Variants in ADGRB3 observed in about 807,000 individuals in gnomAD.
The protein encoded by ADGRB3 is adhesion G protein-coupled receptor B3, also known as brain-specific angiogenesis inhibitor 3.
A neutral mutation model predicts 193.4 loss-of-function variants in ADGRB3; 37 were observed. The ratio of observed to expected loss-of-function variants is 0.19; its 90% CI spans 0.15 to 0.25. ADGRB3 has a LOEUF of 0.25. Ranked by LOEUF, ADGRB3 falls within the 10% of genes least tolerant of loss-of-function variation. The pLI, the probability that ADGRB3 is intolerant of heterozygous loss-of-function variation, is 1.00. For synonymous variants in ADGRB3, 690 were observed against 644.2 expected, an observed-to-expected ratio of 1.07 and a Z score of -1.08; for missense variants, 1,637 against 1,852.9, an observed-to-expected ratio of 0.88 and a Z score of 2.14.
intron 3 of ADGRB3, among the ~76,000 whole-genome samples, chr6:68,796,350 ATATAT>A (rs1767207652): frequency 6.6e-6 from 1 of 152,004 alleles, no homozygotes. Context: ...CCTTGTATTA[ATATAT>A]TATATGTCTA....
intron 20 of ADGRB3, among the ~76,000 whole-genome samples, chr6:69,252,800 G>T (rs1766652821): frequency 6.6e-6 from 1 of 151,904 alleles, no homozygotes; most frequent in South Asian, 2.1e-4. Flanking sequence ...GAAGTTCAGT[G>T]TATCATTTAA....
intron 3 of ADGRB3, among the ~76,000 whole-genome samples, chr6:68,816,331 A>G (rs1189236988): frequency 6.7e-6 from 1 of 149,058 alleles, no homozygotes; most frequent in Non-Finnish European, 1.5e-5. Context: ...CTGAGTTATG[A>G]CACTGTTAAA....
intron 17 of ADGRB3, among the ~76,000 whole-genome samples, chr6:69,128,990 A>T (rs1286670033): frequency 6.6e-6 from 1 of 152,116 alleles, no homozygotes; most frequent in Admixed American, 6.5e-5. Context: ...TCCTTTCCCC[A>T]TGTGGTACGC....
chr6:69,001,278 C>T (rs1769569255), intron 11 of ADGRB3, among the ~76,000 whole-genome samples: 1 of 152,146 alleles, frequency 6.6e-6, no homozygotes, highest in Non-Finnish European at 1.5e-5. Context: ...TTAGAAAAAC[C>T]TTCCTGTCTT....
At chr6:68,699,805 C>G (rs1260141045) in intron 3 of ADGRB3, among the ~76,000 whole-genome samples, 4 of 151,316 alleles carry the variant, frequency 2.6e-5, no homozygotes, top group Admixed American at 2.0e-4. Context: ...TCCCTTCACC[C>G]AAGCAGTAGG....
At chr6:68,773,494 A>T (rs997871753) in intron 3 of ADGRB3, among the ~76,000 whole-genome samples, 2 of 152,196 alleles carry the variant, frequency 1.3e-5, no homozygotes, top group South Asian at 4.1e-4. Flanking sequence ...GTGTTCATTC[A>T]TGCATTCATT....
chr6:68,763,216 G>A (rs974975130), intron 3 of ADGRB3, among the ~76,000 whole-genome samples: 4 of 151,998 alleles, frequency 2.6e-5, no homozygotes, highest in Non-Finnish European at 5.9e-5. Flanking sequence ...TCAGCTTCTC[G>A]AGTACATGGG....
intron 3 of ADGRB3, among the ~76,000 whole-genome samples, chr6:68,768,203 A>G (rs892862477): frequency 1.3e-5 from 2 of 152,336 alleles, no homozygotes; most frequent in South Asian, 4.1e-4. Flanking sequence ...TAAATTTCAT[A>G]TGGAACCAGA....
At chr6:69,145,107 C>T (rs1014591677) in intron 17 of ADGRB3, among the ~76,000 whole-genome samples, 1 of 152,142 alleles carries the variant, frequency 6.6e-6, no homozygotes, top group East Asian at 1.9e-4. Flanking sequence ...CACCTTTGCC[C>T]GAGTTTTGCT....
chr6:68,766,406 G>A (rs1479617342), intron 3 of ADGRB3, among the ~76,000 whole-genome samples: 1 of 151,836 alleles, frequency 6.6e-6, no homozygotes, highest in Admixed American at 6.6e-5. Flanking sequence ...TTTTACAGAG[G>A]TTATGTCGGT....
chr6:68,995,862 T>A, intron 11 of ADGRB3, among the ~76,000 whole-genome samples: 1 of 152,192 alleles, frequency 6.6e-6, no homozygotes, highest in East Asian at 1.9e-4. Flanking sequence ...CACCTTTATC[T>A]GAAAATGATT....
At chr6:68,639,567 C>A in intron 3 of ADGRB3, 135 bp downstream of exon 3, 1 of 1,246,856 alleles carries the variant, frequency 8.0e-7, no homozygotes, top group Non-Finnish European at 1.1e-6. Context: ...TTGTGCTATT[C>A]ACTGATAAAG....
chr6:68,781,678 G>T (rs1002983630), intron 3 of ADGRB3, among the ~76,000 whole-genome samples: 3 of 151,988 alleles, frequency 2.0e-5, no homozygotes, highest in Non-Finnish European at 2.9e-5. Context: ...AAAAAAACAG[G>T]CAGGGGAGGG....
intron 10 of ADGRB3, among the ~76,000 whole-genome samples, chr6:68,992,434 C>T (rs1342273429): frequency 6.6e-6 from 1 of 152,128 alleles, no homozygotes; most frequent in Non-Finnish European, 1.5e-5. Flanking sequence ...TGCCGTGTCT[C>T]TTTCATGAAT....
Position 69,174,552 on chromosome 6 carries a change from A to G in ADGRB3, c.2481-58738A>G, listed in dbSNP as rs148718436. ...CTTTGCTATTGTAAATAGTGCTGCA[A>G]TGCACATATAAGTTCATGTGTCTTT... On this transcript the variant is annotated intron_variant, in intron 17 of 31. Coordinates refer to ENST00000370598, the MANE Select transcript of ADGRB3 (RefSeq NM_001704.3). Among the ~76,000 whole-genome samples the G allele has an allele frequency of 1.4e-3, 212 of 152,328 alleles. 3 individuals carry two copies. Among genetic ancestry groups the G allele is most frequent in the Non-Finnish European group, 1.1e-3 (78 of 68,028 alleles).
chr6:68,686,511 A>T (rs954739831), intron 3 of ADGRB3, among the ~76,000 whole-genome samples: 1 of 152,098 alleles, frequency 6.6e-6, no homozygotes, highest in Non-Finnish European at 1.5e-5. Context: ...AAGCTTCAGG[A>T]TCCTGATCCT....
chr6:69,295,598 C>T (rs534322992), intron 20 of ADGRB3, among the ~76,000 whole-genome samples: 4 of 152,126 alleles, frequency 2.6e-5, no homozygotes, highest in South Asian at 2.1e-4. Flanking sequence ...ATAAACCCAC[C>T]CAATAGAGGA....
In ADGRB3 at chr6:68,639,130, T is replaced by C. The variant is rs1399656181; in HGVS notation, c.455T>C (p.Phe152Ser). Residue 152 changes from phenylalanine (F) to serine (S), a missense_variant, in exon 3 of 32, where the codon TTT becomes TCT. Phe to Ser is a radical substitution (Grantham distance 155). Around this residue, in one of 7 missense-constraint regions of ADGRB3, gnomAD observed 365 missense variants for 409.8 expected, o/e 0.89. Coordinates refer to ENST00000370598, the MANE Select transcript of ADGRB3 (RefSeq NM_001704.3). ...AAAGGGGAAGAAGATCAGAAATCTT[T>C]TTTTGAGTTTTTGGTATTGAACAAG... ...QKKGEEDQKS[F>S]FEFLVLNKVS... 1.2e-6 allele frequency: 2 copies of C among 1,614,186 alleles called. No individual in the cohort carries two copies. Among genetic ancestry groups the C allele is most frequent in the South Asian group, 2.2e-5 (2 of 91,086 alleles).
At chr6:68,712,951 G>A (rs1765430081) in intron 3 of ADGRB3, among the ~76,000 whole-genome samples, 1 of 151,578 alleles carries the variant, frequency 6.6e-6, no homozygotes, top group Non-Finnish European at 1.5e-5. Flanking sequence ...TATAGATTTT[G>A]GTCAATTTAG....
Sources: gnomAD v4.1 joint callset for allele counts (sites outside exome capture counted in the v4.1 genomes callset) on GRCh38, gnomAD v4.1.1 for gene constraint, gnomAD v4.1.1 regional missense constraint, MANE v1.5 for transcripts, NCBI Gene and HGNC (gene_info 2026-07-23, HGNC 2026-07-21) for gene names.